DPYS: variants seen among roughly 807,000 people sequenced by gnomAD.
DPYS encodes dihydropyrimidine amidohydrolase.
Under a neutral mutation model 50.3 loss-of-function variants are expected in DPYS, and 39 were observed. The observed-to-expected ratio is 0.78, with a 90% CI of 0.60 to 1.01. The LOEUF is 1.01. DPYS is among the 50% of genes least tolerant of loss of function. DPYS has a pLI of 0.00. For missense variants in DPYS, 659 were observed against 680.9 expected (o/e 0.97, Z 0.36); for synonymous variants, 245 against 250.7 (o/e 0.98, Z 0.22).
At chr8:104,431,353 T>A (rs903072985) in intron 4 of DPYS, among the ~76,000 whole-genome samples, 6 of 151,744 alleles carry the variant, frequency 4.0e-5, no homozygotes, top group African/African-American at 1.5e-4. Context: ...AGGGCTTAGC[T>A]CCTTTAAAAT....
intron 7 of DPYS, among the ~76,000 whole-genome samples, chr8:104,401,083 T>C (rs371702304): frequency 1.3e-5 from 2 of 152,286 alleles, no homozygotes; most frequent in African/African-American, 4.8e-5. Flanking sequence ...TATTCTGTTA[T>C]ATTCTCTCCC....
chr8:104,394,579 T>C (rs910804704), intron 7 of DPYS, among the ~76,000 whole-genome samples: 13 of 151,856 alleles, frequency 8.6e-5, no homozygotes, highest in African/African-American at 2.9e-4. Flanking sequence ...ACCCCAACAC[T>C]TCTTACTGGC....
rs1386930035 is a variant in DPYS at position 104,399,302 on chromosome 8, A to C, written c.1236-6311T>G. On this transcript the variant is annotated intron_variant, in intron 7 of 9. Transcript: ENST00000351513. ...TGAGACTCCATCTCAAAAAAAAAAAAAAAAAAAACAACAACAAAAAAAAAC... is the reference window on the plus strand; with the variant it reads ...TGAGACTCCATCTCAAAAAAAAAAACAAAAAAAACAACAACAAAAAAAAAC... 1.5e-3 allele frequency among the ~76,000 whole-genome samples: 61 copies of C among 39,906 alleles called. 1 individual carries two copies. The highest frequency in any genetic ancestry group is 2.6e-3 in the African/African-American group (44 of 17,126). The allele number at this position is 39,906 out of a possible 152,430, so 26.2% of individuals were successfully genotyped here. A position where few individuals can be genotyped will look rare whatever the true frequency, so the allele number is the denominator to read the frequency against.
intron 2 of DPYS, 82 bp downstream of exon 2, chr8:104,451,164 A>C: frequency 6.3e-7 from 1 of 1,576,346 alleles, no homozygotes; most frequent in Non-Finnish European, 8.7e-7. Flanking sequence ...TCTAGGAAGC[A>C]ATCAATGTCA....
intron 4 of DPYS, among the ~76,000 whole-genome samples, chr8:104,438,072 A>C (rs1011134106): frequency 3.3e-5 from 5 of 152,206 alleles, no homozygotes; most frequent in African/African-American, 1.2e-4. Flanking sequence ...TACCTTTTAC[A>C]CACTTTTCCT....
chr8:104,429,849 A>AGCCTGTAATCC (rs1812892642), intron 4 of DPYS, 148 bp from the exon 5 acceptor site: 1 of 974,946 alleles, frequency 1.0e-6, no homozygotes, highest in African/African-American at 1.6e-5. Flanking sequence ...ACTTTTGTGG[A>AGCCTGTAATCC]CAGGATTTAA....
intron 2 of DPYS, among the ~76,000 whole-genome samples, chr8:104,448,153 G>C (rs947461443): frequency 6.8e-6 from 1 of 146,046 alleles, no homozygotes. Context: ...CGCAACAATT[G>C]CTCTTTTTTT....
chr8:104,420,710 A>AT (rs1475454647), intron 7 of DPYS: 1 of 151,500 alleles, frequency 6.6e-6, no homozygotes, highest in African/African-American at 2.4e-5. Context: ...CAAAAAAAAA[A>AT]AAAAAAACGA....
intron 8 of DPYS, 190 bp from the exon 9 acceptor site, chr8:104,381,504 T>C (rs1588390675): frequency 1.7e-6 from 1 of 583,714 alleles, no homozygotes; most frequent in South Asian, 1.8e-5. Context: ...CCACTTTTTG[T>C]GGGTATTAAT....
At chr8:104,445,336 G>T (rs935297441) in intron 3 of DPYS, among the ~76,000 whole-genome samples, 1 of 152,142 alleles carries the variant, frequency 6.6e-6, no homozygotes, top group African/African-American at 2.4e-5. Flanking sequence ...TTGCTGCACT[G>T]TTCACTACAG....
chr8:104,451,768 T>C (rs142745584), intron 1 of DPYS, among the ~76,000 whole-genome samples: 3 of 152,356 alleles, frequency 2.0e-5, no homozygotes, highest in African/African-American at 7.2e-5. Context: ...AATTCCATTT[T>C]ATTAGAATCC....
chr8:104,383,166 C>T (rs1309579556), intron 8 of DPYS, among the ~76,000 whole-genome samples: 1 of 152,208 alleles, frequency 6.6e-6, no homozygotes, highest in Middle Eastern at 3.2e-3. Context: ...TGGGAGCAGG[C>T]ACCACCCAGG....
intron 7 of DPYS, among the ~76,000 whole-genome samples, chr8:104,416,003 T>C (rs1480499544): frequency 6.6e-6 from 1 of 152,180 alleles, no homozygotes; most frequent in African/African-American, 2.4e-5. Flanking sequence ...AAGCATCTTA[T>C]GATGCTACCT....
chr8:104,393,099 A>G (rs1811454337), intron 7 of DPYS, 108 bp from the exon 8 acceptor site: 6 of 951,356 alleles, frequency 6.3e-6, no homozygotes, highest in Non-Finnish European at 9.8e-6. Context: ...CAACTCTATT[A>G]AGTCATAGCT....
chr8:104,396,080 C>G (rs1811575162), intron 7 of DPYS, among the ~76,000 whole-genome samples: 1 of 152,074 alleles, frequency 6.6e-6, no homozygotes, highest in African/African-American at 2.4e-5. Flanking sequence ...ATGAAAGATA[C>G]AAACTCAAAG....
intron 9 of DPYS, chr8:104,380,966 C>T (rs1048356812): frequency 4.0e-6 from 2 of 495,294 alleles, no homozygotes. Context: ...TGTTTCCTAA[C>T]ATCTTAAAGA....
In DPYS at chr8:104,379,811, G is replaced by A; in HGVS notation, c.*47C>T. ...GGTTGACAATGTTTGGCTGTGAAGG[G>A]AATGGCAGCCTCCTTTCCTCTGATT... On this transcript the variant is annotated 3_prime_UTR_variant, in exon 10 of 10. Coordinates refer to ENST00000351513, the MANE Select transcript of DPYS (RefSeq NM_001385.3). 2.2e-6 allele frequency: 1 copy of A among 456,496 alleles called. No homozygotes were observed. Among genetic ancestry groups the A allele is most frequent in the Non-Finnish European group, 4.4e-6 (1 of 226,940 alleles). The allele number at this position is 456,496 out of a possible 1,614,324, so 28.3% of individuals were successfully genotyped here.
chr8:104,447,388 G>A lies in DPYS; in HGVS notation c.539C>T (p.Ser180Phe). 6.2e-7 allele frequency: 1 copy of A among 1,614,066 alleles called. No individual in the cohort carries two copies. The highest frequency in any genetic ancestry group is 1.3e-5 in the African/African-American group (1 of 75,020). Reference sequence around the variant, plus strand: ...AATTGCTCCAATTTCCTTGCACCGAGAGAAGGCTTCGTACAGCTCCAGGTC... The same window carrying A: ...AATTGCTCCAATTTCCTTGCACCGAAAGAAGGCTTCGTACAGCTCCAGGTC... ...VTDLELYEAF[S>F]RCKEIGAIAQ... Residue 180 changes from serine to phenylalanine, a missense_variant, in exon 3 of 10, where the codon TCT becomes TTT. Coordinates refer to ENST00000351513, the MANE Select transcript of DPYS (RefSeq NM_001385.3).
intron 8 of DPYS, 105 bp from the exon 9 acceptor site, chr8:104,381,419 T>C (rs1211591188): frequency 1.9e-6 from 2 of 1,072,846 alleles, no homozygotes; most frequent in African/African-American, 3.1e-5. Flanking sequence ...AAGAATCTTA[T>C]AAATTTATCA....
Sources: allele counts gnomAD v4.1 joint callset (sites outside exome capture counted in the v4.1 genomes callset), GRCh38; gene constraint gnomAD v4.1.1; transcripts MANE v1.5; gene names NCBI Gene and HGNC (gene_info 2026-07-23, HGNC 2026-07-21).